FMN1: variants seen among roughly 807,000 people sequenced by gnomAD.
FMN1 encodes the protein formin-1.
Under a neutral mutation model 132.4 loss-of-function variants are expected in FMN1, and 110 were observed. The ratio of observed to expected loss-of-function variants is 0.83; its 90% CI spans 0.71 to 0.97. The LOEUF is 0.97. Among genes scored for constraint, FMN1 ranks in the 50% least tolerant of loss-of-function variants. The pLI is 0.00. For synonymous variants in FMN1, 722 were observed against 651.7 expected (o/e 1.11, Z -1.64); for missense variants, 1,792 against 1,705.3 (o/e 1.05, Z -0.90).
At chr15:33,060,556 G>A (rs2141224923) in intron 6 of FMN1, among the ~76,000 whole-genome samples, 1 of 152,302 alleles carries the variant, frequency 6.6e-6, no homozygotes, top group East Asian at 1.9e-4. Flanking sequence ...GAGGAAAGAT[G>A]TGTCTGCTGG....
At chr15:32,966,449 CT>C (rs1259657917) in intron 8 of FMN1, among the ~76,000 whole-genome samples, 1 of 152,042 alleles carries the variant, frequency 6.6e-6, no homozygotes, top group African/African-American at 2.4e-5. Flanking sequence ...CAACTGACCA[CT>C]GAACATACAA....
At chr15:32,784,373 CT>C (rs966286179) in intron 19 of FMN1, among the ~76,000 whole-genome samples, 2,385 of 142,892 alleles carry the variant, frequency 0.017, 45 homozygotes, top group African/African-American at 0.051. Context: ...AAGAGGTCTG[CT>C]TTTTTTTTTT....
intron 16 of FMN1, among the ~76,000 whole-genome samples, chr15:32,878,082 T>C (rs2059680536): frequency 6.6e-6 from 1 of 152,184 alleles, no homozygotes; most frequent in Non-Finnish European, 1.5e-5. Context: ...CAGTGCCTAT[T>C]CAAAGTGCCT....
At chr15:32,960,271 A>C (rs2030359677) in intron 9 of FMN1, among the ~76,000 whole-genome samples, 1 of 152,204 alleles carries the variant, frequency 6.6e-6, no homozygotes, top group Non-Finnish European at 1.5e-5. Flanking sequence ...CCAGAAACTT[A>C]TGGAACAACC....
intron 19 of FMN1, among the ~76,000 whole-genome samples, chr15:32,784,551 G>C (rs2056786764): frequency 6.6e-6 from 1 of 152,192 alleles, no homozygotes; most frequent in African/African-American, 2.4e-5. Context: ...AGAAGACCAA[G>C]GGGATGATTC....
chr15:32,941,727 AT>A (rs1408280391), intron 9 of FMN1, among the ~76,000 whole-genome samples: 3 of 152,112 alleles, frequency 2.0e-5, no homozygotes, highest in Non-Finnish European at 4.4e-5. Context: ...TCATGCTCCC[AT>A]TTTGAACCAT....
intron 4 of FMN1, among the ~76,000 whole-genome samples, chr15:33,129,169 G>C (rs781291156): frequency 6.6e-6 from 1 of 152,124 alleles, no homozygotes; most frequent in African/African-American, 2.4e-5. Flanking sequence ...AATGTAACTC[G>C]GAGAAAACAG....
At chr15:33,025,330 T>C (rs2035615706) in intron 6 of FMN1, among the ~76,000 whole-genome samples, 1 of 152,180 alleles carries the variant, frequency 6.6e-6, no homozygotes, top group Non-Finnish European at 1.5e-5. Flanking sequence ...ATCAACAATC[T>C]TGATTATATA....
intron 16 of FMN1, among the ~76,000 whole-genome samples, chr15:32,858,768 AT>A (rs939247219): frequency 6.6e-6 from 1 of 152,116 alleles, no homozygotes; most frequent in East Asian, 1.9e-4. Flanking sequence ...TAAAACATTC[AT>A]TTTTTCCACA....
At chr15:33,116,578 T>G (rs2039934659) in intron 4 of FMN1, among the ~76,000 whole-genome samples, 2 of 149,262 alleles carry the variant, frequency 1.3e-5, no homozygotes, top group South Asian at 4.2e-4. Context: ...TTGTCGAAAG[T>G]TTTTTTTTTA....
At chr15:32,970,513 T>C (rs1311469396) in intron 7 of FMN1, among the ~76,000 whole-genome samples, 1 of 152,218 alleles carries the variant, frequency 6.6e-6, no homozygotes, top group Non-Finnish European at 1.5e-5. Flanking sequence ...TAAAAATCAC[T>C]GGGATAGTTA....
At chr15:32,882,080 A>T (rs1357574896) in intron 16 of FMN1, among the ~76,000 whole-genome samples, 1 of 152,192 alleles carries the variant, frequency 6.6e-6, no homozygotes. Context: ...AGAGACTACA[A>T]TAGGCAGACT....
chr15:32,910,159 C>A (rs1211224051), intron 11 of FMN1, among the ~76,000 whole-genome samples: 1 of 152,220 alleles, frequency 6.6e-6, no homozygotes, highest in Non-Finnish European at 1.5e-5. Flanking sequence ...TGCACGCTAT[C>A]ATTTCAGTAG....
intron 3 of FMN1, among the ~76,000 whole-genome samples, chr15:33,177,625 G>T (rs1216355437): frequency 2.0e-5 from 3 of 152,098 alleles, no homozygotes; most frequent in Non-Finnish European, 4.4e-5. Context: ...GCACAAATAG[G>T]ATCAGAACCC....
At chr15:33,082,569 T>C (rs1299082684) in intron 5 of FMN1, among the ~76,000 whole-genome samples, 1 of 152,148 alleles carries the variant, frequency 6.6e-6, no homozygotes, top group African/African-American at 2.4e-5. Flanking sequence ...ACTGCACTTG[T>C]TATAAGAATT....
At chr15:32,982,125 G>A (rs915355461) in intron 7 of FMN1, among the ~76,000 whole-genome samples, 7 of 152,076 alleles carry the variant, frequency 4.6e-5, no homozygotes, top group Non-Finnish European at 1.0e-4. Context: ...TAGCAAATAA[G>A]CACATAAAAA....
chr15:32,981,564 T>A (rs1003473360), intron 7 of FMN1, among the ~76,000 whole-genome samples: 9 of 148,050 alleles, frequency 6.1e-5, no homozygotes, highest in African/African-American at 2.2e-4. Context: ...TTATTATTAT[T>A]ACATTCTGTG....
intron 4 of FMN1, among the ~76,000 whole-genome samples, chr15:33,112,767 T>G (rs950287883): frequency 4.6e-5 from 7 of 152,160 alleles, no homozygotes; most frequent in Admixed American, 6.6e-5. Flanking sequence ...CTGCTAGAGA[T>G]CACATGGGAA....
At chr15:32,878,867 G>A (rs1453596765) in intron 16 of FMN1, among the ~76,000 whole-genome samples, 1 of 152,124 alleles carries the variant, frequency 6.6e-6, no homozygotes, top group Non-Finnish European at 1.5e-5. Context: ...TTAACCACGT[G>A]TTTTTATAAA....
Sources: gnomAD v4.1 joint callset for allele counts (sites outside exome capture counted in the v4.1 genomes callset) on GRCh38, gnomAD v4.1.1 for gene constraint, MANE v1.5 for transcripts, NCBI Gene and HGNC (gene_info 2026-07-23, HGNC 2026-07-21) for gene names.